The following TTC21B variants were observed in gnomAD, a reference collection of about 807,000 sequenced individuals.
The protein encoded by TTC21B is tetratricopeptide repeat domain 21B.
A neutral mutation model predicts 175.1 loss-of-function variants in TTC21B; 127 were observed. The ratio of observed to expected loss-of-function variants is 0.73; its 90% confidence interval spans 0.63 to 0.84. TTC21B has a LOEUF of 0.84. Ranked by LOEUF, TTC21B falls within the 40% of genes least tolerant of loss-of-function variation. TTC21B has a pLI of 0.00. For missense variants in TTC21B, 1,561 were observed against 1,558.3 expected, an observed-to-expected ratio of 1.00 and a Z score of -0.03; for synonymous variants, 524 against 524.5, an observed-to-expected ratio of 1.00 and a Z score of 0.01.
chr2:165,905,999 A>G (rs1452866270), intron 19 of TTC21B, among the ~76,000 whole-genome samples: 3 of 152,194 alleles, frequency 2.0e-5, no homozygotes, highest in Non-Finnish European at 4.4e-5. Context: ...TTGGCACAGC[A>G]GAAGTGTACT....
chr2:165,941,209 A>T, intron 5 of TTC21B, 25 bp from the exon 6 acceptor site: 2 of 1,613,386 alleles, frequency 1.2e-6, no homozygotes, highest in Non-Finnish European at 1.7e-6. Flanking sequence ...AAAAAGTGAT[A>T]TCCAAACTGT....
At chr2:165,934,346 C>CA (rs1381818456) in intron 6 of TTC21B, among the ~76,000 whole-genome samples, 1 of 150,972 alleles carries the variant, frequency 6.6e-6, no homozygotes, top group African/African-American at 2.4e-5. Context: ...ACTAAAAATA[C>CA]AAAAAATTAG....
chr2:165,883,665 TAAG>T, intron 26 of TTC21B, 126 bp downstream of exon 26: 1 of 743,398 alleles, frequency 1.3e-6, no homozygotes, highest in South Asian at 1.6e-5. Context: ...CTGATTGTGG[TAAG>T]AATAAACATT....
At chr2:165,946,349 A>G (rs545012663) in intron 3 of TTC21B, among the ~76,000 whole-genome samples, 4 of 151,934 alleles carry the variant, frequency 2.6e-5, no homozygotes, top group Non-Finnish European at 5.9e-5. Context: ...AAAAATAAAA[A>G]AAAAAGTTAA....
chr2:165,952,563 TGAG>T (rs1687790843), intron 1 of TTC21B, among the ~76,000 whole-genome samples: 1 of 152,222 alleles, frequency 6.6e-6, no homozygotes, highest in Non-Finnish European at 1.5e-5. Flanking sequence ...GTCTAAGTAA[TGAG>T]GAGGCCCATT....
intron 28 of TTC21B, among the ~76,000 whole-genome samples, 181 bp from the exon 29 acceptor site, chr2:165,875,013 GTAGT>G (rs1329196474): frequency 2.0e-5 from 3 of 152,032 alleles, no homozygotes; most frequent in African/African-American, 7.2e-5. Flanking sequence ...TATATTAATG[GTAGT>G]TAGATGAGAA....
At chr2:165,878,680 A>ATTTT (rs60789699) in intron 27 of TTC21B, among the ~76,000 whole-genome samples, 1 of 130,926 alleles carries the variant, frequency 7.6e-6, no homozygotes, top group Admixed American at 7.9e-5. Context: ...CATGAGCACG[A>ATTTT]TTTTTTTTTT....
intron 3 of TTC21B, among the ~76,000 whole-genome samples, chr2:165,946,636 G>A (rs574151915): frequency 1.1e-4 from 17 of 152,164 alleles, no homozygotes; most frequent in South Asian, 2.1e-4. Context: ...TCAAGAGTTC[G>A]AGACCAGCCT....
chr2:165,903,123 C>T (rs1411366069), intron 19 of TTC21B, among the ~76,000 whole-genome samples: 1 of 152,270 alleles, frequency 6.6e-6, no homozygotes, highest in Admixed American at 6.5e-5. Flanking sequence ...GCAACAGAGC[C>T]CCCAGAGGAC....
intron 18 of TTC21B, among the ~76,000 whole-genome samples, chr2:165,910,959 A>G (rs1685911514): frequency 6.6e-6 from 1 of 152,178 alleles, no homozygotes; most frequent in Non-Finnish European, 1.5e-5. Context: ...TAGGAGAAAC[A>G]GATGACTTAT....
At chr2:165,932,265 T>C (rs1477479845) in intron 7 of TTC21B, among the ~76,000 whole-genome samples, 6 of 152,252 alleles carry the variant, frequency 3.9e-5, no homozygotes, top group African/African-American at 1.4e-4. Flanking sequence ...TCAAAATATA[T>C]TCTAGACTAG....
At chr2:165,896,976 G>C (rs1021276560) in intron 22 of TTC21B, among the ~76,000 whole-genome samples, 1 of 151,988 alleles carries the variant, frequency 6.6e-6, no homozygotes, top group African/African-American at 2.4e-5. Context: ...TCCCCACCTG[G>C]GCCCTGGAAC....
At position 165,943,253 on chromosome 2, in the gene TTC21B, T is replaced by C; in HGVS notation, c.518A>G (p.Gln173Arg). ...CAGAGCAAAAGTATCATTCCCATCT[T>C]GGAGTCCCTCTTCAAAATACTTCAG... ...KALKYFEEGL[Q>R]DGNDTFALLG... is the part of the protein sequence containing the mutation. Residue 173 changes from glutamine to arginine, a missense_variant, in exon 5 of 29, where the codon CAA (glutamine) becomes CGA (arginine). By Grantham distance (43) the Gln-to-Arg change is conservative. Coordinates refer to ENST00000243344, the MANE Select transcript of TTC21B (RefSeq NM_024753.5). 1.9e-6 allele frequency: 3 copies of C among 1,613,710 alleles called. No individual in the cohort carries two copies. The highest frequency in any genetic ancestry group is 2.5e-6 in the Non-Finnish European group (3 of 1,179,636).
chr2:165,906,955 C>CAAAAAAAAAAA (rs1160627145), intron 19 of TTC21B, among the ~76,000 whole-genome samples: 5 of 60,254 alleles, frequency 8.3e-5, no homozygotes, highest in African/African-American at 7.0e-5. Context: ...AACTCCGTCT[C>CAAAAAAAAAAA]AAAAAAAAAA....
chr2:165,887,413 G>A (rs201645385), intron 25 of TTC21B, among the ~76,000 whole-genome samples: 2 of 152,086 alleles, frequency 1.3e-5, no homozygotes, highest in Non-Finnish European at 2.9e-5. Flanking sequence ...GTGAGGGAAG[G>A]AAAACAGTAT....
chr2:165,923,951 C>G (rs1448560976), intron 12 of TTC21B, among the ~76,000 whole-genome samples: 1 of 151,818 alleles, frequency 6.6e-6, no homozygotes, highest in East Asian at 1.9e-4. Context: ...TGAGGTTTCT[C>G]CATGTTGCCC....
At position 165,876,633 on chromosome 2, in the gene TTC21B, C is replaced by T. The variant is rs370867711; in HGVS notation, c.3806-401G>A. Among the ~76,000 whole-genome samples, 48 of 152,200 alleles carry T rather than the reference C, an allele frequency of 3.2e-4. No individual in the cohort carries two copies. In the South Asian group the frequency reaches 9.8e-3, roughly 31 times the overall value. ...TAGCACTTACACAGGCAAACTGATG[C>T]CTACAGTTATGAGGTTTGCATTCTA... On this transcript the variant is annotated intron_variant, in intron 27 of 28. Transcript: ENST00000243344.
intron 15 of TTC21B, among the ~76,000 whole-genome samples, chr2:165,914,698 T>TGTGTGCGCGCGCGCGCGCGCGCGTGTGTG (rs71031214): frequency 7.6e-6 from 1 of 132,376 alleles, no homozygotes; most frequent in African/African-American, 3.1e-5. Flanking sequence ...TGTGTGTGTG[T>TGTGTGCGCGCGCGCGCGCGCGCGTGTGTG]TGTGTATCCC....
At chr2:165,936,210 G>GA (rs1687135611) in intron 6 of TTC21B, among the ~76,000 whole-genome samples, 1 of 152,014 alleles carries the variant, frequency 6.6e-6, no homozygotes, top group Admixed American at 6.6e-5. Flanking sequence ...ATGCAGTGGA[G>GA]AAAAGACACT....
Sources: gnomAD v4.1 joint callset for allele counts (sites outside exome capture counted in the v4.1 genomes callset) on GRCh38, gnomAD v4.1.1 for gene constraint, MANE v1.5 for transcripts, NCBI Gene and HGNC (gene_info 2026-07-23, HGNC 2026-07-21) for gene names.